Variants in SLC35A4 observed in about 807,000 individuals in gnomAD.
SLC35A4 encodes probable UDP-sugar transporter protein SLC35A4.
In SLC35A4, 9 loss-of-function variants were observed where a neutral mutation model predicts 18.8. That is an observed-to-expected ratio of 0.48 (90% CI 0.29 to 0.83). The LOEUF is 0.83. Among genes scored for constraint, SLC35A4 ranks in the 40% least tolerant of loss-of-function variants. SLC35A4 has a pLI of 0.09. For missense variants in SLC35A4, 404 were observed against 415.5 expected, an observed-to-expected ratio of 0.97 and a Z score of 0.24; for synonymous variants, 189 against 191.9, an observed-to-expected ratio of 0.98 and a Z score of 0.13.
chr5:140,567,738 T>C lies in SLC35A4; in HGVS notation c.569T>C (p.Leu190Pro). The change falls in exon 3 of 3, where the codon CTG becomes CCG. Residue 190 changes from leucine to proline, a missense_variant. Leu to Pro is a moderately conservative substitution (Grantham distance 98). Coordinates refer to ENST00000323146, the MANE Select transcript of SLC35A4 (RefSeq NM_080670.4). ...CTGCATATCACTCCGCTAGGCCTGC[T>C]GCTCCTCATTCTGTACTGCCTCATC... ...MPLHITPLGL[L>P]LLILYCLISG... 2 of 1,614,168 alleles carry C rather than the reference T, an allele frequency of 1.2e-6. No individual in the cohort carries two copies. The highest frequency in any genetic ancestry group is 2.2e-5 in the South Asian group (2 of 91,090).
In SLC35A4 at chr5:140,566,990, C is replaced by A; in HGVS notation, c.-180C>A. 1 of 950,064 alleles carries A rather than the reference C, an allele frequency of 1.1e-6. No homozygotes were observed. Among genetic ancestry groups the A allele is most frequent in the Non-Finnish European group, 1.6e-6 (1 of 609,818 alleles). The allele number at this position is 950,064 out of a possible 1,614,324, so 58.9% of individuals were successfully genotyped here. On this transcript the variant is annotated 5_prime_UTR_variant, in exon 3 of 3. Transcript: ENST00000323146. ...CGCCCCAAGACTGTGGCTTCAAGGA[C>A]CACCAGCCCCTTACTCTTCAAGCCC...
In SLC35A4 at chr5:140,567,348, C is replaced by T. The variant is rs1341221461; in HGVS notation, c.179C>T (p.Thr60Ile). 1 of 1,614,072 alleles carries T rather than the reference C, an allele frequency of 6.2e-7. No homozygotes were observed. Among genetic ancestry groups the T allele is most frequent in the Non-Finnish European group, 8.5e-7 (1 of 1,180,022 alleles). The change falls in exon 3 of 3, where the codon ACC (threonine) becomes ATC (isoleucine). Residue 60 changes from threonine (T) to isoleucine (I), a missense_variant. Transcript: ENST00000323146. Reference protein sequence around the residue: ...PSSAVLLTELTKLLLCAFSLL... With the variant: ...PSSAVLLTELIKLLLCAFSLL... ...TCAGCCGTGCTGCTGACTGAGCTGACCAAGCTACTGTTATGCGCCTTCTCC... is the reference window on the plus strand; with the variant it reads ...TCAGCCGTGCTGCTGACTGAGCTGATCAAGCTACTGTTATGCGCCTTCTCC...
In SLC35A4 at chr5:140,568,770, C is replaced by T. The variant is rs774242099; in HGVS notation, c.*626C>T. 16 of 167,916 alleles carry T rather than the reference C, an allele frequency of 9.5e-5. No homozygotes were observed. The highest frequency in any genetic ancestry group is 5.9e-4 in the Admixed American group (9 of 15,308). The allele number at this position is 167,916 out of a possible 1,614,324, so 10.4% of individuals were successfully genotyped here. ...ACACCTAGCCTTTGTTCTGGAAACC[C>T]CAGAGAGGGCTGGGCTTGACTCATC... On this transcript the variant is annotated 3_prime_UTR_variant, in exon 3 of 3. Coordinates refer to ENST00000323146, the MANE Select transcript of SLC35A4 (RefSeq NM_080670.4).
chr5:140,566,829 T>A lies in SLC35A4; in HGVS notation c.-341T>A, dbSNP rs531972865. Reference sequence around the variant, plus strand: ...TCAGGTGGAGACACTTTATCTGGATTCCCCAGCTGTCATCCATTTGCTATC... The same window carrying A: ...TCAGGTGGAGACACTTTATCTGGATACCCCAGCTGTCATCCATTTGCTATC... On this transcript the variant is annotated 5_prime_UTR_variant, in exon 3 of 3. Coordinates refer to ENST00000323146, the MANE Select transcript of SLC35A4 (RefSeq NM_080670.4). 12 of 602,284 alleles carry A rather than the reference T, an allele frequency of 2.0e-5. No individual in the cohort carries two copies. Among genetic ancestry groups the A allele is most frequent in the Admixed American group, 5.8e-5 (2 of 34,288 alleles). The allele number at this position is 602,284 out of a possible 1,614,324, so 37.3% of individuals were successfully genotyped here.
Position 140,567,313 on chromosome 5 carries a change from C to G in SLC35A4, c.144C>G (p.Phe48Leu). 1.9e-6 allele frequency: 3 copies of G among 1,614,182 alleles called. No homozygotes were observed. The highest frequency in any genetic ancestry group is 2.5e-6 in the Non-Finnish European group (3 of 1,180,010). ...GCCATGTGGACGGCCGAGTGCCCTTCCGGCCCTCCTCAGCCGTGCTGCTGA... is the reference window on the plus strand; with the variant it reads ...GCCATGTGGACGGCCGAGTGCCCTTGCGGCCCTCCTCAGCCGTGCTGCTGA... ...ALCHVDGRVP[F>L]RPSSAVLLTE... Residue 48 changes from phenylalanine to leucine, a missense_variant, in exon 3 of 3, where the codon TTC (phenylalanine) becomes TTG (leucine). By Grantham distance (22) the Phe-to-Leu change is conservative. Transcript: ENST00000323146.
Position 140,568,066 on chromosome 5 carries a change from G to T in SLC35A4, c.897G>T (p.Arg299=), listed in dbSNP as rs762989042. The change falls in exon 3 of 3, where the codon CGG becomes CGT. Residue 299 remains arginine (R), a synonymous_variant. Transcript: ENST00000323146. ...CCGTGCTCTCAGCAGTCCTGCTACG[G>T]CTGCAGCTCACAGCCGCCTTCTTCC... ...VNAVLSAVLL[R]LQLTAAFFLA... is the part of the protein sequence containing the mutation. 6.2e-7 allele frequency: 1 copy of T among 1,613,938 alleles called. No individual in the cohort carries two copies. Among genetic ancestry groups the T allele is most frequent in the Non-Finnish European group, 8.5e-7 (1 of 1,180,042 alleles).
In SLC35A4 at chr5:140,569,051, A is replaced by G. The variant is rs1382847039; in HGVS notation, c.*907A>G. Reference sequence around the variant, plus strand: ...TCTCTTTAACTGCATAAGCAATAAGATCTTAATAAAGTCTTCTAGGCTGTA... The same window carrying G: ...TCTCTTTAACTGCATAAGCAATAAGGTCTTAATAAAGTCTTCTAGGCTGTA... On this transcript the variant is annotated 3_prime_UTR_variant, in exon 3 of 3. Coordinates refer to ENST00000323146, the MANE Select transcript of SLC35A4 (RefSeq NM_080670.4). The G allele has an allele frequency of 6.0e-6, 1 of 167,054 alleles. No individual in the cohort carries two copies. The highest frequency in any genetic ancestry group is 1.5e-5 in the Non-Finnish European group (1 of 68,094). The allele number at this position is 167,054 out of a possible 1,614,324, so 10.3% of individuals were successfully genotyped here. A position where few individuals can be genotyped will look rare whatever the true frequency, so the allele number is the denominator to read the frequency against.
rs368323800 is a variant in SLC35A4 at position 140,568,184 on chromosome 5, T to C, written c.*40T>C. The C allele has an allele frequency of 6.2e-7, 1 of 1,613,164 alleles. No individual in the cohort carries two copies. Among genetic ancestry groups the C allele is most frequent in the African/African-American group, 1.3e-5 (1 of 74,916 alleles). ...CACCCTGATTCCGGACCCTGTAGAT[T>C]GGGCGCCACCACCAGATCCCCCTCC... On this transcript the variant is annotated 3_prime_UTR_variant, in exon 3 of 3. Transcript: ENST00000323146.
intron 1 of SLC35A4, chr5:140,565,438 C>T (rs1755162989): frequency 6.4e-6 from 1 of 156,682 alleles, no homozygotes; most frequent in Admixed American, 6.5e-5. Flanking sequence ...GTCCATTACT[C>T]ACCATTGGTC....
chr5:140,564,880 C>A lies in SLC35A4; in HGVS notation c.-705+22C>A. On this transcript the variant is annotated intron_variant, in intron 1 of 2. Transcript: ENST00000323146. The surrounding 1 kb of genome is among the most constrained non-coding windows in gnomAD (Gnocchi z 5.0). ...CAAGGTGAGTGGCCGTGGGGGTGAT[C>A]TGCAGCCGGGCGTGGTCTTCACTCT... 1 of 405,912 alleles carries A rather than the reference C, an allele frequency of 2.5e-6. No homozygotes were observed. The highest frequency in any genetic ancestry group is 4.3e-6 in the Non-Finnish European group (1 of 230,070). 25.1% of individuals were successfully genotyped at this position (405,912 alleles called of 1,614,324 possible).
rs1755256838 is a variant in SLC35A4 at position 140,568,987 on chromosome 5, C to T, written c.*843C>T. 1 of 167,118 alleles carries T rather than the reference C, an allele frequency of 6.0e-6. No homozygotes were observed. The highest frequency in any genetic ancestry group is 1.5e-5 in the Non-Finnish European group (1 of 68,120). The allele number at this position is 167,118 out of a possible 1,614,324, so 10.4% of individuals were successfully genotyped here. A position where few individuals can be genotyped will look rare whatever the true frequency, so the allele number is the denominator to read the frequency against. On this transcript the variant is annotated 3_prime_UTR_variant, in exon 3 of 3. Transcript: ENST00000323146. ...CCTGGGGAAGCTCTGCACAGAGTGA[C>T]CTGAGACCAGGTACAGGAAACCTGT...
chr5:140,565,206 C>A, intron 1 of SLC35A4: 1 of 305,408 alleles, frequency 3.3e-6, no homozygotes, highest in Non-Finnish European at 6.0e-6. Flanking sequence ...CACGGACACT[C>A]ACACCACCCT....
chr5:140,567,491 C>T lies in SLC35A4; in HGVS notation c.322C>T (p.Arg108Cys), dbSNP rs149838976. The T allele has an allele frequency of 8.9e-5, 143 of 1,614,060 alleles. 1 individual carries two copies. The highest frequency in any genetic ancestry group is 3.1e-5 in the Non-Finnish European group (37 of 1,180,048). The change falls in exon 3 of 3, where the codon CGT becomes TGT. Residue 108 changes from arginine to cysteine, a missense_variant. Transcript: ENST00000323146. ...ANNNLVIYLQRYMDPSTYQVL... is the reference protein window; with the variant it reads ...ANNNLVIYLQCYMDPSTYQVL... ...CAACAACCTGGTGATCTATCTTCAG[C>T]GTTACATGGACCCCAGCACCTACCA... is the stretch of plus-strand genomic sequence containing the variant.
In SLC35A4 at chr5:140,566,619, G is replaced by A; in HGVS notation, c.-551G>A. On this transcript the variant is annotated 5_prime_UTR_variant, in exon 3 of 3. In the 5' UTR this introduces an upstream ATG that the reference lacks. Transcript: ENST00000323146. ...CAAGGGATTCCTGGCTGGCTATGTG[G>A]TGGCCAAACTGAGGGCATCAGCAGT... is the stretch of plus-strand genomic sequence containing the variant. 1 of 441,754 alleles carries A rather than the reference G, an allele frequency of 2.3e-6. No individual in the cohort carries two copies. Among genetic ancestry groups the A allele is most frequent in the Non-Finnish European group, 4.0e-6 (1 of 251,440 alleles). 27.4% of individuals were successfully genotyped at this position (441,754 alleles called of 1,614,324 possible). A position where few individuals can be genotyped will look rare whatever the true frequency, so the allele number is the denominator to read the frequency against.
rs552307977 is a variant in SLC35A4 at position 140,567,625 on chromosome 5, G to A, written c.456G>A (p.Ala152=). 7.5e-5 allele frequency: 121 copies of A among 1,614,164 alleles called. No homozygotes were observed. In the East Asian group the frequency reaches 2.3e-3, roughly 31 times the overall value. Residue 152 remains alanine, a synonymous_variant, in exon 3 of 3, where the codon GCG becomes GCA. Coordinates refer to ENST00000323146, the MANE Select transcript of SLC35A4 (RefSeq NM_080670.4). The part of the protein sequence containing the change: ...QGLALLLLMA[A]GACYAAGGLQ... ...TAGCGCTGCTGCTGCTGATGGCTGC[G>A]GGAGCCTGCTATGCAGCAGGGGGCC... is the stretch of plus-strand genomic sequence containing the variant.
rs772142104 is a variant in SLC35A4, at chr5:140,567,534, A to G, written c.365A>G (p.Lys122Arg). The change falls in exon 3 of 3, where the codon AAG becomes AGG. Residue 122 changes from lysine (K) to arginine (R), a missense_variant. Transcript: ENST00000323146. ...ACCTACCAGGTGCTGAGTAATCTCA[A>G]GATTGGAAGCACAGCTGTGCTCTAC... ...PSTYQVLSNLKIGSTAVLYCL... is the reference protein window; with the variant it reads ...PSTYQVLSNLRIGSTAVLYCL... 6.2e-7 allele frequency: 1 copy of G among 1,614,164 alleles called. No homozygotes were observed. The highest frequency in any genetic ancestry group is 8.5e-7 in the Non-Finnish European group (1 of 1,180,034).
In SLC35A4 at chr5:140,568,589, ACT is replaced by A. The variant is rs1215136887; in HGVS notation, c.*448_*449del. The A allele has an allele frequency of 1.4e-5, 3 of 217,448 alleles. No individual in the cohort carries two copies. Among genetic ancestry groups the A allele is most frequent in the South Asian group, 7.4e-5 (1 of 13,530 alleles). The allele number at this position is 217,448 out of a possible 1,614,324, so 13.5% of individuals were successfully genotyped here. On this transcript the variant is annotated 3_prime_UTR_variant, in exon 3 of 3. Coordinates refer to ENST00000323146, the MANE Select transcript of SLC35A4 (RefSeq NM_080670.4). The stretch of plus-strand genomic sequence containing the variant: ...TAGTCCAGCCCAGCCATGGTGCATG[ACT>A]CTTCCATAAGGGATCCTCACCCTTC...
At chr5:140,565,796 A>G (rs763173716) in intron 1 of SLC35A4, 77 bp from the exon 2 acceptor site, 2 of 397,658 alleles carry the variant, frequency 5.0e-6, no homozygotes, top group Non-Finnish European at 4.4e-6. Context: ...TCCCCTCCCA[A>G]TTCCCAGCTT....
Position 140,567,967 on chromosome 5 carries a change from C to A in SLC35A4, c.798C>A (p.Leu266=). ...VVLSQALNGL[L]MSAVMKHGSS... ...TGAGCCAGGCACTAAATGGACTGCT[C>A]ATGTCTGCTGTCATGAAGCATGGCA... is the stretch of plus-strand genomic sequence containing the variant. The change falls in exon 3 of 3, where the codon CTC becomes CTA. Residue 266 remains leucine, a synonymous_variant. Transcript: ENST00000323146. 1.2e-6 allele frequency: 2 copies of A among 1,614,200 alleles called. No homozygotes were observed. The highest frequency in any genetic ancestry group is 1.1e-5 in the South Asian group (1 of 91,080).
Sources: gnomAD v4.1 joint callset for allele counts on GRCh38, gnomAD v4.1.1 for gene constraint, Gnocchi (gnomAD v3.1) non-coding constraint, MANE v1.5 for transcripts, NCBI Gene and HGNC (gene_info 2026-07-23, HGNC 2026-07-21) for gene names.